Variants in IFNA6 observed in about 807,000 individuals in gnomAD.
The protein encoded by IFNA6 is interferon alpha 6.
For missense variants in IFNA6, 235 were observed against 212.4 expected (o/e 1.11, Z -0.66); for synonymous variants, 96 against 79.2 (o/e 1.21, Z -1.13).
exon 1 of IFNA6, chr9:21,350,507 C>G: frequency 1.9e-6 from 3 of 1,614,054 alleles, no homozygotes; most frequent in Non-Finnish European, 2.5e-6. Context: ...CTCCCACCCA[C>G]ACCTCCTGCA....
chr9:21,350,590 A>T (rs570503239), exon 1 of IFNA6: 1 of 1,613,926 alleles, frequency 6.2e-7, no homozygotes, highest in Non-Finnish European at 8.5e-7. Flanking sequence ...CTCTCATCCC[A>T]AGCAACAGAT....
At chr9:21,350,672 C>A (rs756382547) in exon 1 of IFNA6, 2 of 1,613,924 alleles carry the variant, frequency 1.2e-6, no homozygotes, top group Non-Finnish European at 1.7e-6. Context: ...CTTCAGCCTT[C>A]TGGAACTGGT....
At chr9:21,350,605 C>G in exon 1 of IFNA6, 1 of 1,613,938 alleles carries the variant, frequency 6.2e-7, no homozygotes, top group Non-Finnish European at 8.5e-7. Flanking sequence ...ACAGATGAGT[C>G]CTTTGTGCTG....
At chr9:21,350,882 A>C (rs1341923107) in exon 1 of IFNA6, 2 of 1,613,380 alleles carry the variant, frequency 1.2e-6, no homozygotes, top group Non-Finnish European at 1.7e-6. Flanking sequence ...CAAAAGGCAA[A>C]GCCATTGTAG....
At chr9:21,350,886 A>G (rs1820445635) in exon 1 of IFNA6, 14 of 1,612,852 alleles carry the variant, frequency 8.7e-6, no homozygotes, top group Non-Finnish European at 1.2e-5. Flanking sequence ...AGGCAAAGCC[A>G]TTGTAGATGT....
At chr9:21,350,733 C>G in exon 1 of IFNA6, 2 of 1,614,036 alleles carry the variant, frequency 1.2e-6, no homozygotes, top group East Asian at 2.2e-5. Context: ...GTCCTTCAGA[C>G]AGGAGAAAAG....
At chr9:21,350,334 A>G in exon 1 of IFNA6, 1 of 1,608,662 alleles carries the variant, frequency 6.2e-7, no homozygotes, top group Non-Finnish European at 8.5e-7. Flanking sequence ...CTTCCTCCTT[A>G]ACCTTTCTTG....
exon 1 of IFNA6, chr9:21,350,879 C>T (rs1477599355): frequency 6.2e-7 from 1 of 1,613,584 alleles, no homozygotes; most frequent in Non-Finnish European, 8.5e-7. Context: ...AAGCAAAAGG[C>T]AAAGCCATTG....
At chr9:21,350,827 A>G (rs1437741103) in exon 1 of IFNA6, 1 of 1,613,930 alleles carries the variant, frequency 6.2e-7, no homozygotes, top group Non-Finnish European at 8.5e-7. Context: ...CAGTCCAGAG[A>G]GCAGCTTGAC....
At chr9:21,350,341 C>T (rs1189960024) in exon 1 of IFNA6, 1 of 1,575,740 alleles carries the variant, frequency 6.3e-7, no homozygotes, top group African/African-American at 1.4e-5. Context: ...CTTAACCTTT[C>T]TTGCAAGTTT....
exon 1 of IFNA6, chr9:21,350,628 G>A (rs189717919): frequency 2.2e-5 from 35 of 1,613,884 alleles, no homozygotes; most frequent in Non-Finnish European, 3.0e-5. Context: ...GAGGTTGAAG[G>A]TCTGCTGAAT....
chr9:21,350,738 GAA>G, the IFNA6 span: 2 of 1,614,022 alleles, frequency 1.2e-6, no homozygotes, highest in Non-Finnish European at 8.5e-7. Context: ...TCAGACAGGA[GAA>G]AAGAGAGATT....
At position 21,350,385 on chromosome 9, in the gene IFNA6, C is replaced by G. The variant is rs1563860077; in HGVS notation, c.503G>C (p.Arg168Thr). 2 of 1,612,896 alleles carry G rather than the reference C, an allele frequency of 1.2e-6. No homozygotes were observed. Among genetic ancestry groups the G allele is most frequent in the South Asian group, 2.2e-5 (2 of 91,050 alleles). Residue 168 changes from arginine to threonine, a missense_variant, in exon 1 of 1, where the codon AGA becomes ACA. Transcript: ENST00000380210. ...AGAGAAGGATCTCATGATTTCTGCT[C>G]TGACAACCTCCCAGGCACAAGGGCT...
exon 1 of IFNA6, chr9:21,350,747 G>A (rs752430395): frequency 1.2e-6 from 2 of 1,614,014 alleles, no homozygotes; most frequent in Non-Finnish European, 8.5e-7. Flanking sequence ...AGAAAAGAGA[G>A]ATTCTCCTCA....
chr9:21,350,802 G>A lies in IFNA6; in HGVS notation c.86C>T (p.Thr29Ile), dbSNP rs748471373. 2.5e-6 allele frequency: 4 copies of A among 1,613,824 alleles called. No individual in the cohort carries two copies. In the African/African-American group the frequency reaches 4.0e-5, roughly 16 times the overall value. ...GGTCCTCCTGTGACCCAGGCTGTGG[G>A]TCTGAGGCAGATCACAGTCCAGAGA... The change falls in exon 1 of 1, where the codon ACC becomes ATC. Residue 29 changes from threonine (T) to isoleucine (I), a missense_variant. By Grantham distance (89) the Thr-to-Ile change is moderately conservative. Transcript: ENST00000380210.
rs1171462962 is a variant in IFNA6, at chr9:21,350,849, C to A, written c.39G>T (p.Val13=). The A allele has an allele frequency of 3.1e-6, 5 of 1,613,878 alleles. No homozygotes were observed. The South Asian group carries it at 5.5e-5, about 18-fold the overall frequency. The change falls in exon 1 of 1, where the codon GTG becomes GTT. Residue 13 remains valine, a synonymous_variant. Transcript: ENST00000380210. ...GAGAGCAGCTTGACTTGCAGCTGAG[C>A]ACCACCAGGGCCATCAGTAAAGCAA...
chr9:21,350,591 A>T, exon 1 of IFNA6: 1 of 1,613,976 alleles, frequency 6.2e-7, no homozygotes, highest in Middle Eastern at 1.7e-4. Flanking sequence ...TCTCATCCCA[A>T]GCAACAGATG....
exon 1 of IFNA6, chr9:21,350,815 C>T (rs1280922818): frequency 6.2e-7 from 1 of 1,613,940 alleles, no homozygotes; most frequent in Admixed American, 1.7e-5. Context: ...TGAGGCAGAT[C>T]ACAGTCCAGA....
At chr9:21,350,670 T>C (rs750461778) in exon 1 of IFNA6, 1 of 1,614,060 alleles carries the variant, frequency 6.2e-7, no homozygotes. Flanking sequence ...GGCTTCAGCC[T>C]TCTGGAACTG....
Sources: gnomAD v4.1 joint callset for allele counts on GRCh38, gnomAD v4.1.1 for gene constraint, MANE v1.5 for transcripts, NCBI Gene and HGNC (gene_info 2026-07-23, HGNC 2026-07-21) for gene names.